RBFOX1: variants seen among roughly 807,000 people sequenced by gnomAD.
The protein encoded by RBFOX1 is RNA binding protein fox-1 homolog 1.
Under a neutral mutation model 57.7 loss-of-function variants are expected in RBFOX1, and 8 were observed. That is an observed-to-expected ratio of 0.14 (90% CI 0.08 to 0.25). The LOEUF is 0.25. Ranked by LOEUF, RBFOX1 falls within the 10% of genes least tolerant of loss-of-function variation. The pLI is 1.00. For missense variants in RBFOX1, 611 were observed against 548.5 expected, an observed-to-expected ratio of 1.11 and a Z score of -1.14; for synonymous variants, 326 against 222.4, an observed-to-expected ratio of 1.47 and a Z score of -4.15.
At chr16:7,186,588 AAACATATTTATATAAATATAAG>A (rs2083891661) in intron 4 of RBFOX1, among the ~76,000 whole-genome samples, 2 of 139,964 alleles carry the variant, frequency 1.4e-5, no homozygotes, top group South Asian at 2.2e-4. Flanking sequence ...ATATAAGCTT[AAACATATTTATATAAATATAAG>A]CATAAACATA....
At chr16:7,572,322 C>T (rs531352284) in intron 5 of RBFOX1, among the ~76,000 whole-genome samples, 4 of 152,248 alleles carry the variant, frequency 2.6e-5, no homozygotes, top group Non-Finnish European at 4.4e-5. Context: ...ACTTGCAGGT[C>T]GCTCATGGTA....
At chr16:5,977,033 A>G (rs1269696706) in intron 4 of RBFOX1, among the ~76,000 whole-genome samples, 1 of 152,136 alleles carries the variant, frequency 6.6e-6, no homozygotes, top group Non-Finnish European at 1.5e-5. Flanking sequence ...GGGTAGGAAC[A>G]CAGATCACAG....
chr16:7,096,114 G>T (rs949567608), intron 4 of RBFOX1, among the ~76,000 whole-genome samples: 1 of 152,080 alleles, frequency 6.6e-6, no homozygotes, highest in African/African-American at 2.4e-5. Context: ...CAGGAGACAT[G>T]ATATGATCCC....
chr16:6,284,608 C>A (rs1006677797), intron 1 of RBFOX1, among the ~76,000 whole-genome samples: 1 of 152,104 alleles, frequency 6.6e-6, no homozygotes, highest in African/African-American at 2.4e-5. Context: ...TTGATGTTTT[C>A]TGGAGTCAGG....
intron 4 of RBFOX1, among the ~76,000 whole-genome samples, chr16:7,290,918 A>G (rs2095757436): frequency 6.6e-6 from 1 of 152,220 alleles, no homozygotes; most frequent in Non-Finnish European, 1.5e-5. Flanking sequence ...AAACAGAAAC[A>G]CACAGAGGTG....
At chr16:6,066,279 G>A (rs1370342851) in intron 1 of RBFOX1, among the ~76,000 whole-genome samples, 1 of 96,846 alleles carries the variant, frequency 1.0e-5, no homozygotes, top group Non-Finnish European at 1.8e-5. Flanking sequence ...TGACTACAGA[G>A]CAAGACTCTG....
At chr16:6,940,322 G>C (rs995415055) in intron 3 of RBFOX1, among the ~76,000 whole-genome samples, 1 of 152,212 alleles carries the variant, frequency 6.6e-6, no homozygotes, top group Admixed American at 6.5e-5. Context: ...GACCAAGCTA[G>C]GTTTTGGGAG....
At chr16:5,303,648 A>G (rs1359344742) in intron 1 of RBFOX1, among the ~76,000 whole-genome samples, 1 of 151,882 alleles carries the variant, frequency 6.6e-6, no homozygotes, top group Non-Finnish European at 1.5e-5. Context: ...ACCACAGTGC[A>G]TGTTATAGGA....
intron 4 of RBFOX1, among the ~76,000 whole-genome samples, chr16:7,275,209 C>G (rs537640784): frequency 7.0e-4 from 107 of 152,256 alleles, no homozygotes; most frequent in African/African-American, 2.5e-3. Flanking sequence ...ATCGACATCA[C>G]ATGCTACACT....
intron 2 of RBFOX1, among the ~76,000 whole-genome samples, chr16:6,525,348 T>C (rs2153809324): frequency 6.6e-6 from 1 of 152,200 alleles, no homozygotes; most frequent in South Asian, 2.1e-4. Context: ...TTTGGGCTGG[T>C]GTAGTTGAGT....
intron 1 of RBFOX1, among the ~76,000 whole-genome samples, chr16:6,142,411 T>TG (rs1491120740): frequency 2.0e-5 from 3 of 151,604 alleles, no homozygotes; most frequent in South Asian, 2.1e-4. Flanking sequence ...TTAGTAGAGA[T>TG]GGGGTTTCAC....
At chr16:5,891,784 C>A (rs555993616) in intron 4 of RBFOX1, among the ~76,000 whole-genome samples, 1 of 152,136 alleles carries the variant, frequency 6.6e-6, no homozygotes, top group Non-Finnish European at 1.5e-5. Context: ...GCACAGGGCT[C>A]GGACATCTGA....
At chr16:5,742,540 A>C (rs1430974493) in intron 3 of RBFOX1, among the ~76,000 whole-genome samples, 1 of 152,164 alleles carries the variant, frequency 6.6e-6, no homozygotes, top group Non-Finnish European at 1.5e-5. Flanking sequence ...CTTCTCTTGC[A>C]TCCTCCGGTG....
rs192024374 is a variant in RBFOX1 at position 5,391,500 on chromosome 16, A to G, written c.220-75716A>G. Among the ~76,000 whole-genome samples, 176 of 152,078 alleles carry G rather than the reference A, an allele frequency of 1.2e-3. 1 individual carries two copies. The highest frequency in any genetic ancestry group is 3.9e-3 in the African/African-American group (162 of 41,512). ...TCCACTGGGACCACCCAGATAACCGAGGAGAATCTCCCCATTTTAAGGTCA... is the reference window on the plus strand; with the variant it reads ...TCCACTGGGACCACCCAGATAACCGGGGAGAATCTCCCCATTTTAAGGTCA... On this transcript the variant is annotated intron_variant, in intron 1 of 2. Transcript: ENST00000585867.
At chr16:6,547,515 T>C (rs902369669) in intron 2 of RBFOX1, among the ~76,000 whole-genome samples, 2 of 152,180 alleles carry the variant, frequency 1.3e-5, no homozygotes, top group African/African-American at 4.8e-5. Flanking sequence ...TGGTTCTTTT[T>C]TTTGTTGTTG....
chr16:7,406,580 A>C (rs557218195), intron 4 of RBFOX1, among the ~76,000 whole-genome samples: 1 of 152,240 alleles, frequency 6.6e-6, no homozygotes, highest in Admixed American at 6.5e-5. Flanking sequence ...ATTAAAAAAT[A>C]CAAACTTTCC....
At chr16:6,480,326 A>G (rs2095353542) in intron 2 of RBFOX1, among the ~76,000 whole-genome samples, 1 of 152,192 alleles carries the variant, frequency 6.6e-6, no homozygotes, top group South Asian at 2.1e-4. Context: ...GAGAGTAAAC[A>G]TTTTAGACTT....
At chr16:6,626,451 T>A (rs1387048226) in intron 2 of RBFOX1, among the ~76,000 whole-genome samples, 1 of 152,038 alleles carries the variant, frequency 6.6e-6, no homozygotes, top group Non-Finnish European at 1.5e-5. Context: ...ATACACACAC[T>A]CAACAGGGAT....
chr16:6,572,147 C>G (rs1434115881), intron 2 of RBFOX1, among the ~76,000 whole-genome samples: 2 of 152,096 alleles, frequency 1.3e-5, no homozygotes, highest in East Asian at 3.9e-4. Context: ...TCATCTCATT[C>G]TTTTTAAAAC....
Sources: allele counts gnomAD v4.1 joint callset (sites outside exome capture counted in the v4.1 genomes callset), GRCh38; gene constraint gnomAD v4.1.1; transcripts MANE v1.5; gene names NCBI Gene and HGNC (gene_info 2026-07-23, HGNC 2026-07-21).